Variants in GLB1 observed in about 807,000 individuals in gnomAD.
The protein encoded by GLB1 is galactosidase beta 1.
Under a neutral mutation model 74.0 loss-of-function variants are expected in GLB1, and 56 were observed. That is an observed-to-expected ratio of 0.76 (90% CI 0.61 to 0.94). GLB1 has a LOEUF of 0.94. Among genes scored for constraint, GLB1 ranks in the 40% least tolerant of loss-of-function variants. The pLI, the probability that GLB1 is intolerant of heterozygous loss-of-function variation, is 0.00. For missense variants in GLB1, 787 were observed against 845.5 expected, an observed-to-expected ratio of 0.93 and a Z score of 0.86; for synonymous variants, 323 against 323.6, an observed-to-expected ratio of 1.00 and a Z score of 0.02.
intron 10 of GLB1, among the ~76,000 whole-genome samples, chr3:33,031,654 T>A (rs1331725285): frequency 3.7e-4 from 42 of 114,588 alleles, no homozygotes; most frequent in African/African-American, 4.8e-4. Flanking sequence ...TATATATATA[T>A]ATATATATAT....
At position 33,002,362 on chromosome 3, in the gene GLB1, T is replaced by TTTCA. The variant is rs1559377199; in HGVS notation, c.1735-5019_1735-5018insTGAA. ...CTCCCTCCCTCCCTTCCTTCCTTCC[T>TTTCA]TCCATCCTTCCTTCCTTCCTTATGA... On this transcript the variant is annotated intron_variant, in intron 15 of 15. Coordinates refer to ENST00000307363, the MANE Select transcript of GLB1 (RefSeq NM_000404.4). Among the ~76,000 whole-genome samples the TTTCA allele has an allele frequency of 8.2e-5, 6 of 72,900 alleles. No individual in the cohort carries two copies. The Admixed American group carries it at 1.1e-3, about 14-fold the overall frequency. 47.8% of individuals were successfully genotyped at this position (72,900 alleles called of 152,430 possible).
At chr3:32,961,258 G>A in the GLB1 span, among the ~76,000 whole-genome samples, 3 of 152,242 alleles carry the variant, frequency 2.0e-5, no homozygotes, top group Non-Finnish European at 4.4e-5. Flanking sequence ...CTTAGAGACA[G>A]AGATCCTTTT....
chr3:33,028,582 A>C (rs907026704), intron 10 of GLB1, among the ~76,000 whole-genome samples: 1 of 152,076 alleles, frequency 6.6e-6, no homozygotes, highest in Non-Finnish European at 1.5e-5. Context: ...ACTAGGTCAA[A>C]GGATATGAGT....
In GLB1 at chr3:33,093,369, C is replaced by T; in HGVS notation, c.75+3642G>A. 6.2e-7 allele frequency: 1 copy of T among 1,614,142 alleles called. No homozygotes were observed. The highest frequency in any genetic ancestry group is 1.1e-5 in the South Asian group (1 of 91,070). On this transcript the variant is annotated intron_variant, in intron 1 of 15. Coordinates refer to ENST00000307363, the MANE Select transcript of GLB1 (RefSeq NM_000404.4). This position sits in a 1 kb window ranked among gnomAD's most constrained non-coding sequence, Gnocchi z 6.0. Reference sequence around the variant, plus strand: ...ATCTGACGTGTAGTACTCATGATTGCCTGTGACGAAGTAGGCACCGAGATG... The same window carrying T: ...ATCTGACGTGTAGTACTCATGATTGTCTGTGACGAAGTAGGCACCGAGATG...
At chr3:33,025,494 T>C (rs13077125) in intron 10 of GLB1, among the ~76,000 whole-genome samples, 15,070 of 152,274 alleles carry the variant, frequency 0.099, 917 homozygotes, top group Non-Finnish European at 0.14. Context: ...AAGATCCTTC[T>C]ATTTCTTTCT....
At chr3:33,071,579 G>A (rs955533239) in intron 2 of GLB1, among the ~76,000 whole-genome samples, 1 of 152,134 alleles carries the variant, frequency 6.6e-6, no homozygotes, top group African/African-American at 2.4e-5. Context: ...TTCTGTTATT[G>A]GGGCTCAGAA....
At chr3:33,009,017 G>T (rs1281264066) in intron 15 of GLB1, among the ~76,000 whole-genome samples, 1 of 152,064 alleles carries the variant, frequency 6.6e-6, no homozygotes, top group Non-Finnish European at 1.5e-5. Context: ...TACATGGGAG[G>T]CTGAGGCAGG....
At position 33,021,597 on chromosome 3, in the gene GLB1, A is replaced by G. The variant is rs1301956348; in HGVS notation, c.1202T>C (p.Leu401Pro). Reference sequence around the variant, plus strand: ...CACCTGGATAAATGTCAAGGGATAAAGGCTTTTGATGGGCCCAGAGGGACA... The same window carrying G: ...CACCTGGATAAATGTCAAGGGATAAGGGCTTTTGATGGGCCCAGAGGGACA... ...ILCPSGPIKS[L>P]YPLTFIQVKQ... Residue 401 changes from leucine to proline, a missense_variant, in exon 12 of 16, where the codon CTT becomes CCT. Coordinates refer to ENST00000307363, the MANE Select transcript of GLB1 (RefSeq NM_000404.4). 3.1e-6 allele frequency: 5 copies of G among 1,613,976 alleles called. No individual in the cohort carries two copies. Among genetic ancestry groups the G allele is most frequent in the Non-Finnish European group, 4.2e-6 (5 of 1,180,008 alleles).
chr3:33,070,365 A>G (rs1699846276), intron 2 of GLB1, among the ~76,000 whole-genome samples: 1 of 152,210 alleles, frequency 6.6e-6, no homozygotes, highest in Non-Finnish European at 1.5e-5. Flanking sequence ...CTATAGAGAA[A>G]GATATGGTGT....
intron 15 of GLB1, among the ~76,000 whole-genome samples, chr3:33,003,444 T>C (rs1230359460): frequency 6.6e-6 from 1 of 152,264 alleles, no homozygotes; most frequent in Non-Finnish European, 1.5e-5. Context: ...CTTTCACTTC[T>C]AGCCTATTTA....
Position 33,093,560 on chromosome 3 carries a change from G to C in GLB1, c.75+3451C>G. ...CTGTGGGGCCCAAGTGAATGTCTGA[G>C]AGGAGCACGATCTTGAGGTTGTTCA... On this transcript the variant is annotated intron_variant, in intron 1 of 15. Coordinates refer to ENST00000307363, the MANE Select transcript of GLB1 (RefSeq NM_000404.4). This position sits in a 1 kb window ranked among gnomAD's most constrained non-coding sequence, Gnocchi z 6.0. The C allele has an allele frequency of 2.5e-6, 4 of 1,614,228 alleles. No homozygotes were observed. Among genetic ancestry groups the C allele is most frequent in the South Asian group, 1.1e-5 (1 of 91,082 alleles).
At chr3:33,092,140 A>T in intron 1 of GLB1, 9 of 985,592 alleles carry the variant, frequency 9.1e-6, no homozygotes, top group Non-Finnish European at 1.1e-5. Flanking sequence ...ATCACCGACC[A>T]TGGCGCCCAC....
chr3:32,969,809 A>G, the GLB1 span, among the ~76,000 whole-genome samples: 5 of 152,248 alleles, frequency 3.3e-5, no homozygotes, highest in African/African-American at 1.2e-4. Flanking sequence ...TCCATGTGCC[A>G]TGACTCACTG....
intron 10 of GLB1, among the ~76,000 whole-genome samples, chr3:33,036,862 G>C (rs57225144): frequency 0.075 from 11,447 of 152,194 alleles, 563 homozygotes; most frequent in East Asian, 0.24. Context: ...TAGAAGCTGA[G>C]GAGAGGGTGA....
intron 1 of GLB1, among the ~76,000 whole-genome samples, chr3:33,084,868 T>G (rs1256317349): frequency 6.6e-6 from 1 of 152,202 alleles, no homozygotes; most frequent in Non-Finnish European, 1.5e-5. Context: ...CTGCATTCAG[T>G]AGACTTCATC....
intron 3 of GLB1, 75 bp from the exon 4 acceptor site, chr3:33,068,365 G>T: frequency 6.3e-7 from 1 of 1,585,730 alleles, no homozygotes; most frequent in Non-Finnish European, 8.6e-7. Context: ...ATTACTATTA[G>T]TAGTTATGGA....
intron 1 of GLB1, chr3:33,091,717 G>A: frequency 4.1e-6 from 4 of 985,356 alleles, no homozygotes; most frequent in Non-Finnish European, 4.8e-6. Context: ...GCTGCCCTAT[G>A]AGTGAGCAGC....
intron 10 of GLB1, 102 bp downstream of exon 10, chr3:33,046,018 A>G: frequency 1.4e-6 from 2 of 1,420,832 alleles, no homozygotes; most frequent in East Asian, 2.4e-5. Flanking sequence ...CCATCCTTTT[A>G]AACAGGAGGG....
intron 1 of GLB1, chr3:33,090,674 G>A (rs1415908151): frequency 2.9e-5 from 29 of 985,332 alleles, no homozygotes; most frequent in Non-Finnish European, 3.5e-5. Context: ...GTGTCATGGA[G>A]ACCTGCCCAC....
Sources: gnomAD v4.1 joint callset for allele counts (sites outside exome capture counted in the v4.1 genomes callset) on GRCh38, gnomAD v4.1.1 for gene constraint, Gnocchi (gnomAD v3.1) non-coding constraint, MANE v1.5 for transcripts, NCBI Gene and HGNC (gene_info 2026-07-23, HGNC 2026-07-21) for gene names.